Variants in FAM135A observed in about 807,000 individuals in gnomAD.
FAM135A encodes the protein family with sequence similarity 135 member A, also known as protein FAM135A.
In FAM135A, 79 loss-of-function variants were observed where a neutral mutation model predicts 146.8. The ratio of observed to expected loss-of-function variants is 0.54; its 90% CI spans 0.45 to 0.65. FAM135A has a LOEUF of 0.65. Among genes scored for constraint, FAM135A ranks in the 30% least tolerant of loss-of-function variants. The pLI, the probability that FAM135A is intolerant of heterozygous loss-of-function variation, is 0.00. For missense variants in FAM135A, 1,623 were observed against 1,758.2 expected (o/e 0.92, Z 1.38); for synonymous variants, 562 against 603.6 (o/e 0.93, Z 1.01).
Position 70,559,807 on chromosome 6 carries a change from A to T in FAM135A, c.4434A>T (p.Ala1478=), listed in dbSNP as rs751000213. ...TGGTTCGCTATAATGTCATCAATGC[A>T]TTGCCCAATACAGCTGATTCACTCA... ...CNLVRYNVIN[A]LPNTADSLIG... is the part of the protein sequence containing the mutation. Residue 1478 remains alanine, a synonymous_variant, in exon 22 of 22, where the codon GCA becomes GCT. Transcript: ENST00000418814. 17 of 1,614,016 alleles carry T rather than the reference A, an allele frequency of 1.1e-5. No homozygotes were observed. The highest frequency in any genetic ancestry group is 1.4e-5 in the Non-Finnish European group (16 of 1,180,004).
At chr6:70,441,531 ACT>A (rs1368249305) in intron 4 of FAM135A, among the ~76,000 whole-genome samples, 1 of 152,032 alleles carries the variant, frequency 6.6e-6, no homozygotes, top group Non-Finnish European at 1.5e-5. Context: ...GGTGTTGCAG[ACT>A]CTTGTACATT....
intron 11 of FAM135A, among the ~76,000 whole-genome samples, chr6:70,499,089 A>G (rs1247327169): frequency 6.6e-6 from 1 of 152,148 alleles, no homozygotes; most frequent in Non-Finnish European, 1.5e-5. Flanking sequence ...AAAGACTCCT[A>G]CTATTATTGT....
chr6:70,487,302 T>C (rs1475607083), intron 10 of FAM135A, among the ~76,000 whole-genome samples: 1 of 152,058 alleles, frequency 6.6e-6, no homozygotes, highest in African/African-American at 2.4e-5. Context: ...ATTATTTTAT[T>C]ATACATTTTC....
At chr6:70,438,446 C>T (rs569862094) in intron 4 of FAM135A, among the ~76,000 whole-genome samples, 1 of 152,306 alleles carries the variant, frequency 6.6e-6, no homozygotes, top group South Asian at 2.1e-4. Context: ...TGAAATCGTG[C>T]ACGTCCCTCT....
At chr6:70,458,235 A>G (rs1018730636) in intron 5 of FAM135A, among the ~76,000 whole-genome samples, 1 of 152,196 alleles carries the variant, frequency 6.6e-6, no homozygotes, top group Admixed American at 6.5e-5. Flanking sequence ...AATTTTGGAC[A>G]GAAGAAGAAA....
chr6:70,471,177 G>A lies in FAM135A; in HGVS notation c.158-4233G>A, dbSNP rs528260019. ...GTTTGTGGGTACAAGTGTGGATTGG[G>A]CAGAGAGCTGGAGTTGGGATTTATC... On this transcript the variant is annotated intron_variant, in intron 5 of 21. Coordinates refer to ENST00000418814, the MANE Select transcript of FAM135A (RefSeq NM_001162529.3). Among the ~76,000 whole-genome samples the A allele has an allele frequency of 2.0e-4, 31 of 152,306 alleles. 1 individual carries two copies. The South Asian group carries it at 6.4e-3, about 32-fold the overall frequency.
chr6:70,428,231 A>T, intron 3 of FAM135A, 73 bp from the exon 4 acceptor site: 1 of 670,674 alleles, frequency 1.5e-6, no homozygotes, highest in East Asian at 3.0e-5. Flanking sequence ...TAAAATATGT[A>T]TAAATAATAG....
chr6:70,513,127 G>A (rs1791415575), intron 12 of FAM135A, among the ~76,000 whole-genome samples: 1 of 151,336 alleles, frequency 6.6e-6, no homozygotes. Context: ...TGTTGCATTG[G>A]CCTGTTATAC....
chr6:70,465,017 A>C (rs1221173814), intron 5 of FAM135A, among the ~76,000 whole-genome samples: 3 of 151,776 alleles, frequency 2.0e-5, no homozygotes, highest in African/African-American at 7.3e-5. Flanking sequence ...CTGAAATTCT[A>C]TACCATTGAA....
intron 20 of FAM135A, among the ~76,000 whole-genome samples, chr6:70,542,248 G>GCACACA (rs112638092): frequency 0.021 from 2,968 of 141,934 alleles, 48 homozygotes; most frequent in African/African-American, 0.05. Context: ...TTTTTATCCT[G>GCACACA]CACACACACA....
intron 5 of FAM135A, among the ~76,000 whole-genome samples, chr6:70,457,666 A>G (rs1199445380): frequency 3.3e-5 from 5 of 152,196 alleles, no homozygotes; most frequent in African/African-American, 4.8e-5. Context: ...CTTGATCACT[A>G]TTCTTCATCA....
chr6:70,529,836 G>A lies in FAM135A; in HGVS notation c.3775+1384G>A, dbSNP rs1795452767. ...CCAGCACTTTGGGAGGCTGAGATGG[G>A]CGGATCACAAGGTCAGGAGATCAAG... On this transcript the variant is annotated intron_variant, in intron 16 of 21. Transcript: ENST00000418814. 3.3e-5 allele frequency among the ~76,000 whole-genome samples: 5 copies of A among 152,220 alleles called. No homozygotes were observed. The South Asian group carries it at 1.0e-3, about 32-fold the overall frequency.
chr6:70,471,671 C>T (rs752928197), intron 5 of FAM135A, among the ~76,000 whole-genome samples: 11 of 152,136 alleles, frequency 7.2e-5, no homozygotes, highest in Non-Finnish European at 1.5e-4. Context: ...ACCATGCACA[C>T]ATTTGCCAGT....
intron 2 of FAM135A, among the ~76,000 whole-genome samples, chr6:70,425,746 C>T (rs142533635): frequency 3.9e-4 from 59 of 152,316 alleles, no homozygotes; most frequent in Middle Eastern, 3.4e-3. Flanking sequence ...CATACATGCA[C>T]ACACATACAT....
At chr6:70,484,172 G>A (rs999941880) in intron 10 of FAM135A, among the ~76,000 whole-genome samples, 3 of 152,164 alleles carry the variant, frequency 2.0e-5, no homozygotes, top group Non-Finnish European at 4.4e-5. Flanking sequence ...GACTTCTCCT[G>A]TTCCCTCTCC....
chr6:70,517,310 C>A (rs1792491707), intron 12 of FAM135A, among the ~76,000 whole-genome samples: 1 of 151,888 alleles, frequency 6.6e-6, no homozygotes, highest in Non-Finnish European at 1.5e-5. Context: ...GTGAGTGGAT[C>A]ACTTGAGCCC....
At position 70,422,306 on chromosome 6, in the gene FAM135A, A is replaced by C. The variant is rs550705549; in HGVS notation, c.-133-4133A>C. On this transcript the variant is annotated intron_variant, in intron 2 of 21. Coordinates refer to ENST00000418814, the MANE Select transcript of FAM135A (RefSeq NM_001162529.3). ...CAAGTAGTTTCTAAGAAGAGGATCA[A>C]ACAGATCCCCTTTCACTCCAACAGT... Among the ~76,000 whole-genome samples the C allele has an allele frequency of 6.6e-5, 10 of 152,320 alleles. No homozygotes were observed. In the East Asian group the frequency reaches 1.9e-3, roughly 29 times the overall value.
intron 11 of FAM135A, among the ~76,000 whole-genome samples, chr6:70,497,453 T>A (rs1362004113): frequency 2.6e-5 from 4 of 152,210 alleles, no homozygotes; most frequent in African/African-American, 9.6e-5. Flanking sequence ...CAGGGACAGT[T>A]TGACTTCCTC....
At chr6:70,471,120 G>T (rs13217708) in intron 5 of FAM135A, among the ~76,000 whole-genome samples, 3,788 of 152,312 alleles carry the variant, frequency 0.025, 84 homozygotes, top group South Asian at 0.043. Context: ...AGCCAGTCAA[G>T]ATAGCTGTTT....
Sources: allele counts gnomAD v4.1 joint callset (sites outside exome capture counted in the v4.1 genomes callset), GRCh38; gene constraint gnomAD v4.1.1; transcripts MANE v1.5; gene names NCBI Gene and HGNC (gene_info 2026-07-23, HGNC 2026-07-21).